Variants in H3-3A observed in about 807,000 individuals in gnomAD.
H3-3A encodes H3.3 histone A.
For synonymous variants in H3-3A, 49 were observed against 61.4 expected (o/e 0.80, Z 0.95); for missense variants, 7 against 184.0 (o/e 0.04, Z 5.57).
At chr1:226,063,815 GC>G (rs1263628120) in intron 1 of H3-3A, among the ~76,000 whole-genome samples, 1 of 149,980 alleles carries the variant, frequency 6.7e-6, no homozygotes, top group East Asian at 2.0e-4. Flanking sequence ...TTTTCGAGAC[GC>G]CTTTTTGTCA....
chr1:226,071,102 A>C, intron 3 of H3-3A, among the ~76,000 whole-genome samples: 1 of 152,228 alleles, frequency 6.6e-6, no homozygotes, highest in East Asian at 1.9e-4. Context: ...GAAGTTTCCT[A>C]GTAACAAAGT....
intron 3 of H3-3A, among the ~76,000 whole-genome samples, chr1:226,070,595 A>G (rs1256334863): frequency 6.6e-6 from 1 of 152,058 alleles, no homozygotes; most frequent in Non-Finnish European, 1.5e-5. Context: ...AACATGGTGA[A>G]ACCCCTTCTC....
At chr1:226,067,614 C>T (rs1352322346) in intron 3 of H3-3A, among the ~76,000 whole-genome samples, 1 of 151,834 alleles carries the variant, frequency 6.6e-6, no homozygotes, top group African/African-American at 2.4e-5. Context: ...TGGTGGCAGG[C>T]GCCTATAATC....
Position 226,064,189 on chromosome 1 carries a change from C to G in H3-3A, c.-23-140C>G, listed in dbSNP as rs910415300. On this transcript the variant is annotated intron_variant, in intron 1 of 3. Transcript: ENST00000366815. ...ATTTTGGGTAGACGTAATCTTCACC[C>G]TTTCAAATTATATAACAATACGAAC... is the stretch of plus-strand genomic sequence containing the variant. The G allele has an allele frequency of 2.8e-5, 17 of 608,628 alleles. No homozygotes were observed. In the South Asian group the frequency reaches 3.4e-4, roughly 12 times the overall value. The allele number at this position is 608,628 out of a possible 1,614,324, so 37.7% of individuals were successfully genotyped here.
intron 3 of H3-3A, chr1:226,067,164 G>A (rs949497469): frequency 3.9e-5 from 6 of 152,148 alleles, no homozygotes; most frequent in African/African-American, 2.4e-5. Context: ...AAAGTGTAGC[G>A]TTTTTAGCTT....
At chr1:226,071,066 G>C (rs995695710) in intron 3 of H3-3A, among the ~76,000 whole-genome samples, 4 of 152,150 alleles carry the variant, frequency 2.6e-5, no homozygotes, top group African/African-American at 9.7e-5. Context: ...CAGTTTATTA[G>C]AAATCATGTT....
At chr1:226,062,510 A>C (rs1484198985), upstream of H3-3A, among the ~76,000 whole-genome samples, 1 of 139,562 alleles carries the variant, frequency 7.2e-6, no homozygotes, top group Non-Finnish European at 1.5e-5. Context: ...ACACGGCGCG[A>C]GGCGGCCTGG....
chr1:226,064,273 A>G (rs1166763160), intron 1 of H3-3A, 56 bp from the exon 2 acceptor site: 37 of 1,286,010 alleles, frequency 2.9e-5, no homozygotes, highest in Non-Finnish European at 4.0e-5. Flanking sequence ...CGTGGCAGGA[A>G]AAGTTGTATG....
intron 1 of H3-3A, among the ~76,000 whole-genome samples, chr1:226,063,786 CTGT>C (rs1657826209): frequency 6.6e-6 from 1 of 151,846 alleles, no homozygotes; most frequent in South Asian, 2.1e-4. Context: ...CTGGTGGTAG[CTGT>C]TGTTCCTCTC....
chr1:226,070,209 C>G (rs574056040), intron 3 of H3-3A, among the ~76,000 whole-genome samples: 46 of 152,072 alleles, frequency 3.0e-4, no homozygotes, highest in Non-Finnish European at 5.4e-4. Flanking sequence ...AGGCCAGTTG[C>G]GGTGGCTCAC....
intron 3 of H3-3A, among the ~76,000 whole-genome samples, chr1:226,069,116 G>T (rs559875857): frequency 6.6e-6 from 1 of 150,680 alleles, no homozygotes; most frequent in Non-Finnish European, 1.5e-5. Context: ...GTGCAATCTC[G>T]GCTTACTGCA....
rs993604782 is a variant in H3-3A at position 226,071,683 on chromosome 1, A to T, written c.*204A>T. 3.0e-6 allele frequency: 1 copy of T among 335,554 alleles called. No homozygotes were observed. Among genetic ancestry groups the T allele is most frequent in the Non-Finnish European group, 5.2e-6 (1 of 192,252 alleles). 20.8% of individuals were successfully genotyped at this position (335,554 alleles called of 1,614,324 possible). On this transcript the variant is annotated 3_prime_UTR_variant, in exon 4 of 4. Transcript: ENST00000366815. ...ATTTTCATTTGTGTGTGAATTTTTA[A>T]TATAAATGCGGAGACGTAAAGCATT...
In H3-3A at chr1:226,071,957, TCTG is replaced by T. The variant is rs1169717901; in HGVS notation, c.*479_*481del. On this transcript the variant is annotated 3_prime_UTR_variant, in exon 4 of 4. Coordinates refer to ENST00000366815, the MANE Select transcript of H3-3A (RefSeq NM_002107.7). ...TACATGTTTTTAATGTTGTCTGTCT[TCTG>T]TGCTGTTCCTGTAAGTTTGCTATTA... is the stretch of plus-strand genomic sequence containing the variant. 4.6e-6 allele frequency: 1 copy of T among 219,376 alleles called. No homozygotes were observed. The highest frequency in any genetic ancestry group is 2.2e-5 in the African/African-American group (1 of 44,504). The allele number at this position is 219,376 out of a possible 1,614,324, so 13.6% of individuals were successfully genotyped here.
In H3-3A at chr1:226,062,806, AGGG is replaced by A. The variant is rs1050403597; in HGVS notation, c.-25_-24+1del. On this transcript the variant is annotated splice_region_variant and 5_prime_UTR_variant, in exon 1 of 4. Transcript: ENST00000366815. Reference sequence around the variant, plus strand: ...CTCGCCGAGCTCCAGCCGAAGGAGAAGGGGGGTAAGTTTCCCCGTCTGCCCGCT... The same window carrying A: ...CTCGCCGAGCTCCAGCCGAAGGAGAAGGGTAAGTTTCCCCGTCTGCCCGCT... The A allele has an allele frequency of 6.1e-6, 1 of 164,982 alleles. No homozygotes were observed. The highest frequency in any genetic ancestry group is 2.4e-5 in the African/African-American group (1 of 41,268). The allele number at this position is 164,982 out of a possible 1,614,324, so 10.2% of individuals were successfully genotyped here.
chr1:226,062,470 C>T (rs1657743791), upstream of H3-3A, among the ~76,000 whole-genome samples: 1 of 148,980 alleles, frequency 6.7e-6, no homozygotes, highest in Admixed American at 6.6e-5. Flanking sequence ...GAGCCGGCGG[C>T]CCCTCAGCGT....
At chr1:226,066,834 A>G (rs186461649) in intron 3 of H3-3A, 2 of 152,270 alleles carry the variant, frequency 1.3e-5, no homozygotes, top group Non-Finnish European at 2.9e-5. Flanking sequence ...CTTTTGCTTT[A>G]TGTATGAGAA....
intron 3 of H3-3A, among the ~76,000 whole-genome samples, chr1:226,069,811 A>G (rs1658046885): frequency 6.6e-6 from 1 of 152,212 alleles, no homozygotes; most frequent in African/African-American, 2.4e-5. Context: ...AGCCAGGGCT[A>G]CAGAGCAAGA....
intron 3 of H3-3A, among the ~76,000 whole-genome samples, chr1:226,069,049 CT>C (rs71574557): frequency 0.31 from 44,151 of 141,480 alleles, 7,186 homozygotes; most frequent in African/African-American, 0.48. Context: ...GTGAAAGTAC[CT>C]TTTTTTTTTT....
At chr1:226,063,149 C>T (rs567083154) in intron 1 of H3-3A, among the ~76,000 whole-genome samples, 15 of 152,010 alleles carry the variant, frequency 9.9e-5, no homozygotes, top group African/African-American at 3.6e-4. Context: ...CCGCGCGGGC[C>T]TCTTAACTAC....
Sources: gnomAD v4.1 joint callset for allele counts (sites outside exome capture counted in the v4.1 genomes callset) on GRCh38, gnomAD v4.1.1 for gene constraint, MANE v1.5 for transcripts, NCBI Gene and HGNC (gene_info 2026-07-23, HGNC 2026-07-21) for gene names.